ZNF273: variants seen among roughly 807,000 people sequenced by gnomAD.
ZNF273 encodes the protein zinc finger protein 273, also known as zinc finger protein 9.
ZNF273 carries 11 observed loss-of-function variants against 14.9 expected under a neutral mutation model. The ratio of observed to expected loss-of-function variants is 0.74; its 90% confidence interval spans 0.46 to 1.22. ZNF273 has a LOEUF of 1.22. ZNF273 is among the 50% of genes most tolerant of loss of function. ZNF273 has a pLI of 0.00. For missense variants in ZNF273, 577 were observed against 660.6 expected (o/e 0.87, Z 1.39); for synonymous variants, 199 against 223.9 (o/e 0.89, Z 0.99).
chr7:64,918,652 T>C (rs1794189058), intron 3 of ZNF273, among the ~76,000 whole-genome samples: 1 of 73,816 alleles, frequency 1.4e-5, no homozygotes. Context: ...AGAGTGAGAC[T>C]CCATCTCAAA....
chr7:64,934,371 A>C (rs1286280594), downstream of ZNF273, among the ~76,000 whole-genome samples: 1 of 151,968 alleles, frequency 6.6e-6, no homozygotes, highest in Non-Finnish European at 1.5e-5. Flanking sequence ...TGGGATTTTG[A>C]GGTTAAATCA....
downstream of ZNF273, chr7:64,889,510 T>C: frequency 1.0e-6 from 1 of 985,846 alleles, no homozygotes; most frequent in Non-Finnish European, 1.2e-6. This position sits in a 1 kb window ranked among gnomAD's most constrained non-coding sequence, Gnocchi z 4.2. Context: ...TAGGTCGCCC[T>C]GGTTCCTGGC....
At chr7:64,908,175 T>C (rs1793250470) in intron 1 of ZNF273, among the ~76,000 whole-genome samples, 1 of 152,250 alleles carries the variant, frequency 6.6e-6, no homozygotes, top group South Asian at 2.1e-4. Flanking sequence ...ACAGCCCCCC[T>C]GGGCCACTAT....
intron 3 of ZNF273, among the ~76,000 whole-genome samples, chr7:64,925,027 T>C (rs1484320295): frequency 6.6e-6 from 1 of 152,068 alleles, no homozygotes; most frequent in African/African-American, 2.4e-5. Context: ...GGTCTCAAAC[T>C]CCTGACCTAA....
At chr7:64,898,296 A>G (rs1792482427), upstream of ZNF273, among the ~76,000 whole-genome samples, 1 of 152,184 alleles carries the variant, frequency 6.6e-6, no homozygotes, top group South Asian at 2.1e-4. Context: ...AATGGAAAGC[A>G]AGCCAGCTGG....
chr7:64,880,706 G>A (rs1308101748), downstream of ZNF273, among the ~76,000 whole-genome samples: 1 of 151,950 alleles, frequency 6.6e-6, no homozygotes, highest in Non-Finnish European at 1.5e-5. Context: ...GCTGAGATGC[G>A]ACGGGCCCCA....
intron 1 of ZNF273, among the ~76,000 whole-genome samples, chr7:64,914,350 T>TA (rs71567879): frequency 0.32 from 45,301 of 143,278 alleles, 7,720 homozygotes; most frequent in Admixed American, 0.37. Context: ...TTCTGCTATT[T>TA]AAAAAAAAAA....
chr7:64,901,327 T>G (rs1208623240), upstream of ZNF273, among the ~76,000 whole-genome samples: 3 of 152,158 alleles, frequency 2.0e-5, no homozygotes, highest in Non-Finnish European at 2.9e-5. Context: ...CACAATAACT[T>G]CAATTCTAGA....
At chr7:64,906,683 A>G (rs918832701) in intron 1 of ZNF273, among the ~76,000 whole-genome samples, 9 of 123,530 alleles carry the variant, frequency 7.3e-5, no homozygotes, top group Non-Finnish European at 1.6e-4. Flanking sequence ...AAGCCTTTAT[A>G]CTGAGAGAAG....
chr7:64,933,050 C>T (rs1018856923), downstream of ZNF273, among the ~76,000 whole-genome samples: 1 of 152,074 alleles, frequency 6.6e-6, no homozygotes, highest in East Asian at 1.9e-4. Flanking sequence ...CGGCTCACTG[C>T]AACCTTCGCC....
In ZNF273 at chr7:64,929,827, G is replaced by GTT. The variant is rs546790409; in HGVS notation, c.*801_*802dup. On this transcript the variant is annotated 3_prime_UTR_variant, in exon 4 of 4. Transcript: ENST00000476120. ...ATGTAATTCAACTCTCAAATTCATG[G>GTT]TTTTTTTTTTTTTGGTTTTGGTTTT... is the stretch of plus-strand genomic sequence containing the variant. The GTT allele has an allele frequency of 5.7e-5, 8 of 141,394 alleles. No homozygotes were observed. Among genetic ancestry groups the GTT allele is most frequent in the East Asian group, 2.1e-4 (1 of 4,872 alleles). The allele number at this position is 141,394 out of a possible 1,614,324, so 8.8% of individuals were successfully genotyped here.
At chr7:64,887,121 A>T (rs542983030) in intron 1 of ZNF273, among the ~76,000 whole-genome samples, 33 of 152,212 alleles carry the variant, frequency 2.2e-4, no homozygotes, top group Non-Finnish European at 4.3e-4. Flanking sequence ...CTTGGTTTGG[A>T]CTGAGGTCTC....
At chr7:64,907,349 C>T (rs1583984922) in intron 1 of ZNF273, among the ~76,000 whole-genome samples, 1 of 152,178 alleles carries the variant, frequency 6.6e-6, no homozygotes, top group East Asian at 1.9e-4. Context: ...TATCTATGTG[C>T]TTCATCTTTC....
Position 64,927,715 on chromosome 7 carries a change from A to G in ZNF273, c.387A>G (p.Gln129=). Reference sequence around the variant, plus strand: ...AGCAGGGCTTAAAAGATTCTTTTCAAAAAGTGATACTGAGAAGATATGGAA... The same window carrying G: ...AGCAGGGCTTAAAAGATTCTTTTCAGAAAGTGATACTGAGAAGATATGGAA... The part of the protein sequence containing the change: ...WPKQGLKDSF[Q]KVILRRYGKY... The change falls in exon 4 of 4, where the codon CAA becomes CAG. Residue 129 remains glutamine, a synonymous_variant. Transcript: ENST00000476120. The G allele has an allele frequency of 6.2e-7, 1 of 1,605,828 alleles. No homozygotes were observed. The highest frequency in any genetic ancestry group is 1.1e-5 in the South Asian group (1 of 89,186).
intron 1 of ZNF273, among the ~76,000 whole-genome samples, chr7:64,910,916 C>T (rs976298697): frequency 1.3e-5 from 2 of 151,968 alleles, no homozygotes; most frequent in African/African-American, 2.4e-5. Flanking sequence ...CAAGCATGCA[C>T]CACCATGCCT....
downstream of ZNF273, chr7:64,889,866 T>A: frequency 1.5e-6 from 1 of 669,132 alleles, no homozygotes; most frequent in Non-Finnish European, 1.8e-6. This position sits in a 1 kb window ranked among gnomAD's most constrained non-coding sequence, Gnocchi z 4.2. Context: ...CTGCTGCCTC[T>A]ATGTCGGCTT....
chr7:64,934,334 C>A (rs1253328309), downstream of ZNF273, among the ~76,000 whole-genome samples: 2 of 152,028 alleles, frequency 1.3e-5, no homozygotes, highest in African/African-American at 4.8e-5. Context: ...TTGAAGTAAT[C>A]TGACATCAAT....
intron 1 of ZNF273, among the ~76,000 whole-genome samples, chr7:64,885,876 C>T (rs937563290): frequency 3.9e-5 from 6 of 152,172 alleles, no homozygotes; most frequent in Admixed American, 3.3e-4. Flanking sequence ...GATCTTGATG[C>T]TCTTTTCTTC....
chr7:64,929,292 T>C lies in ZNF273; in HGVS notation c.*254T>C, dbSNP rs1584018988. ...AAAGATCTTTCAGACAATATAAGCC[T>C]GCAAAGTGCAGCAGAGTATTTATTT... On this transcript the variant is annotated 3_prime_UTR_variant, in exon 4 of 4. Transcript: ENST00000476120. 3.6e-6 allele frequency: 1 copy of C among 279,272 alleles called. No homozygotes were observed. The highest frequency in any genetic ancestry group is 2.2e-5 in the African/African-American group (1 of 45,606). 17.3% of individuals were successfully genotyped at this position (279,272 alleles called of 1,614,324 possible).
Sources: gnomAD v4.1 joint callset for allele counts (sites outside exome capture counted in the v4.1 genomes callset) on GRCh38, gnomAD v4.1.1 for gene constraint, Gnocchi (gnomAD v3.1) non-coding constraint, MANE v1.5 for transcripts, NCBI Gene and HGNC (gene_info 2026-07-23, HGNC 2026-07-21) for gene names.